DIAPH3: variants seen among roughly 807,000 people sequenced by gnomAD.
DIAPH3 encodes protein diaphanous homolog 3.
DIAPH3 carries 117 observed loss-of-function variants against 144.3 expected under a neutral mutation model. The ratio of observed to expected loss-of-function variants is 0.81; its 90% CI spans 0.70 to 0.95. The LOEUF (loss-of-function observed/expected upper bound fraction) is 0.95. Among genes scored for constraint, DIAPH3 ranks in the 40% least tolerant of loss-of-function variants. The pLI is 0.00. For missense variants in DIAPH3, 1,421 were observed against 1,412.7 expected, an observed-to-expected ratio of 1.01 and a Z score of -0.09; for synonymous variants, 519 against 488.9, an observed-to-expected ratio of 1.06 and a Z score of -0.81.
At chr13:60,137,364 G>C (rs1182390479) in intron 1 of DIAPH3, among the ~76,000 whole-genome samples, 1 of 152,172 alleles carries the variant, frequency 6.6e-6, no homozygotes, top group African/African-American at 2.4e-5. Flanking sequence ...AGCTTTCAGA[G>C]AACTGTGCTA....
intron 22 of DIAPH3, among the ~76,000 whole-genome samples, chr13:59,848,152 A>G (rs759916126): frequency 3.3e-5 from 5 of 152,094 alleles, no homozygotes; most frequent in Admixed American, 1.3e-4. Flanking sequence ...TAACAGCATC[A>G]GAGTGGTTTT....
At chr13:60,063,590 T>C (rs550199146) in intron 4 of DIAPH3, among the ~76,000 whole-genome samples, 15 of 152,210 alleles carry the variant, frequency 9.9e-5, no homozygotes, top group African/African-American at 3.6e-4. Context: ...GACTCCTTGA[T>C]CCATGGGATG....
chr13:60,085,274 T>C (rs1440298480), intron 4 of DIAPH3, among the ~76,000 whole-genome samples: 1 of 152,152 alleles, frequency 6.6e-6, no homozygotes, highest in East Asian at 1.9e-4. Context: ...AACACTCATT[T>C]TGATGTTATG....
intron 27 of DIAPH3, among the ~76,000 whole-genome samples, chr13:59,730,437 C>A (rs1171998629): frequency 6.6e-6 from 1 of 152,004 alleles, no homozygotes; most frequent in Non-Finnish European, 1.5e-5. Context: ...AAAGGAAATA[C>A]AATAAACTGA....
chr13:59,897,418 G>C (rs1476174385), intron 20 of DIAPH3, among the ~76,000 whole-genome samples: 1 of 152,178 alleles, frequency 6.6e-6, no homozygotes, highest in Non-Finnish European at 1.5e-5. Flanking sequence ...TAGTGAGAGA[G>C]AAAATTCTTA....
intron 17 of DIAPH3, among the ~76,000 whole-genome samples, chr13:59,942,363 A>G (rs1323957548): frequency 6.6e-6 from 1 of 152,124 alleles, no homozygotes; most frequent in African/African-American, 2.4e-5. Flanking sequence ...ATCTTGCAAC[A>G]ATTTTTTTAG....
At chr13:59,793,975 A>G (rs1417051142) in intron 25 of DIAPH3, among the ~76,000 whole-genome samples, 1 of 152,212 alleles carries the variant, frequency 6.6e-6, no homozygotes, top group African/African-American at 2.4e-5. Context: ...TGACTTTACA[A>G]TCAAGCAAAG....
At chr13:59,751,975 A>G (rs1262864783) in intron 27 of DIAPH3, among the ~76,000 whole-genome samples, 1 of 152,238 alleles carries the variant, frequency 6.6e-6, no homozygotes, top group Non-Finnish European at 1.5e-5. Flanking sequence ...GAAGCAGGAT[A>G]TATTCACAGG....
At chr13:59,865,885 G>A (rs564844331) in intron 21 of DIAPH3, among the ~76,000 whole-genome samples, 57 of 152,078 alleles carry the variant, frequency 3.7e-4, no homozygotes, top group Admixed American at 3.3e-3. Context: ...ATCTTCAGAA[G>A]TCAAGGAACT....
intron 20 of DIAPH3, among the ~76,000 whole-genome samples, chr13:59,910,910 CA>C (rs2046967217): frequency 6.6e-6 from 1 of 150,414 alleles, no homozygotes; most frequent in African/African-American, 2.4e-5. Context: ...CAAATGTCTA[CA>C]ACATGCCAAA....
At chr13:59,882,795 T>C (rs1044217619) in intron 20 of DIAPH3, among the ~76,000 whole-genome samples, 3 of 152,204 alleles carry the variant, frequency 2.0e-5, no homozygotes, top group Non-Finnish European at 4.4e-5. Context: ...CTTGGCAATA[T>C]AAATTCACGA....
intron 27 of DIAPH3, among the ~76,000 whole-genome samples, chr13:59,767,917 A>G (rs1220516298): frequency 6.6e-6 from 1 of 152,190 alleles, no homozygotes; most frequent in African/African-American, 2.4e-5. Context: ...TCTGTTTGAT[A>G]ATGACTATGC....
At chr13:59,969,862 T>A in intron 17 of DIAPH3, 82 bp downstream of exon 17, 1 of 862,246 alleles carries the variant, frequency 1.2e-6, no homozygotes, top group Non-Finnish European at 1.8e-6. Flanking sequence ...CATAAAATAA[T>A]GTTTTCTGAA....
chr13:60,143,577 C>T (rs1951374173), intron 1 of DIAPH3, among the ~76,000 whole-genome samples: 2 of 152,190 alleles, frequency 1.3e-5, no homozygotes, highest in African/African-American at 4.8e-5. Context: ...GTTCAGCTCA[C>T]TCATTCTCAA....
intron 27 of DIAPH3, among the ~76,000 whole-genome samples, chr13:59,767,018 T>A (rs937972356): frequency 6.6e-6 from 1 of 152,174 alleles, no homozygotes; most frequent in Non-Finnish European, 1.5e-5. Context: ...TGGTGGCTCC[T>A]AGGGGAGAAC....
At chr13:59,861,149 G>A (rs2043556104) in intron 22 of DIAPH3, 2 of 1,175,084 alleles carry the variant, frequency 1.7e-6, no homozygotes, top group Non-Finnish European at 2.3e-6. Flanking sequence ...GGTAGGGCTA[G>A]CAGGTATCTA....
chr13:59,793,937 TAC>T (rs2039450252), intron 25 of DIAPH3, among the ~76,000 whole-genome samples: 1 of 152,170 alleles, frequency 6.6e-6, no homozygotes, highest in East Asian at 1.9e-4. Flanking sequence ...TCAAATATAA[TAC>T]AGACTGTTCC....
chr13:59,739,209 A>C (rs1476164925), intron 27 of DIAPH3, among the ~76,000 whole-genome samples: 1 of 152,234 alleles, frequency 6.6e-6, no homozygotes, highest in Non-Finnish European at 1.5e-5. Context: ...GATCCTTTAG[A>C]ATAATGTGCT....
At chr13:59,864,961 A>T (rs1419085025) in intron 21 of DIAPH3, among the ~76,000 whole-genome samples, 1 of 152,070 alleles carries the variant, frequency 6.6e-6, no homozygotes, top group Non-Finnish European at 1.5e-5. Context: ...TTTGAAACTA[A>T]GCCTAATAAA....
Sources: gnomAD v4.1 joint callset for allele counts (sites outside exome capture counted in the v4.1 genomes callset) on GRCh38, gnomAD v4.1.1 for gene constraint, MANE v1.5 for transcripts, NCBI Gene and HGNC (gene_info 2026-07-23, HGNC 2026-07-21) for gene names.